BABAM2: variants seen among roughly 807,000 people sequenced by gnomAD.
The protein encoded by BABAM2 is BRISC and BRCA1-A complex member 2.
Under a neutral mutation model 54.7 loss-of-function variants are expected in BABAM2, and 31 were observed. The observed-to-expected ratio is 0.57, with a 90% confidence interval of 0.43 to 0.77. The LOEUF (loss-of-function observed/expected upper bound fraction) is 0.77. BABAM2 is among the 30% of genes least tolerant of loss of function. The pLI, the probability that BABAM2 is intolerant of heterozygous loss-of-function variation, is 0.00. For synonymous variants in BABAM2, 167 were observed against 162.9 expected, an observed-to-expected ratio of 1.03 and a Z score of -0.19; for missense variants, 364 against 455.8, an observed-to-expected ratio of 0.80 and a Z score of 1.83.
intron 10 of BABAM2, among the ~76,000 whole-genome samples, chr2:28,256,639 C>T (rs1027348740): frequency 6.0e-5 from 9 of 150,930 alleles, no homozygotes; most frequent in African/African-American, 1.5e-4. Context: ...GGACTAGAAA[C>T]GAAATTCCTT....
rs1673112548 is a variant in BABAM2, at chr2:27,995,925, A to G, written c.300+7838A>G. 6.6e-6 allele frequency among the ~76,000 whole-genome samples: 1 copy of G among 152,130 alleles called. No individual in the cohort carries two copies. The highest frequency in any genetic ancestry group is 1.5e-5 in the Non-Finnish European group (1 of 68,012). On this transcript the variant is annotated intron_variant, in intron 4 of 11. Transcript: ENST00000379624. The surrounding 1 kb of genome is among the most constrained non-coding windows in gnomAD (Gnocchi z 4.1). Reference sequence around the variant, plus strand: ...AGAGAATATGTTCTTCAGTTTTACAATTCTATTTGATTATTTTCTGTAAAT... The same window carrying G: ...AGAGAATATGTTCTTCAGTTTTACAGTTCTATTTGATTATTTTCTGTAAAT...
chr2:27,955,251 G>T (rs1670002148), intron 3 of BABAM2, among the ~76,000 whole-genome samples: 1 of 152,128 alleles, frequency 6.6e-6, no homozygotes, highest in Non-Finnish European at 1.5e-5. Context: ...CAGTATTTTA[G>T]GTCATCCATC....
chr2:28,083,419 T>C lies in BABAM2; in HGVS notation c.570+37620T>C, dbSNP rs149114606. Among the ~76,000 whole-genome samples, 388 of 152,358 alleles carry C rather than the reference T, an allele frequency of 2.5e-3. 4 individuals carry two copies. Among genetic ancestry groups the C allele is most frequent in the African/African-American group, 9.0e-3 (376 of 41,590 alleles). The stretch of plus-strand genomic sequence containing the variant: ...CTGTTGGAACATTTTAGAAGCAATC[T>C]GAGAACCGTACTGATTTGGCCCACT... On this transcript the variant is annotated intron_variant, in intron 6 of 11. Coordinates refer to ENST00000379624, the MANE Select transcript of BABAM2 (RefSeq NM_199191.3).
At chr2:28,231,546 G>A (rs922899234) in intron 7 of BABAM2, among the ~76,000 whole-genome samples, 69 of 151,998 alleles carry the variant, frequency 4.5e-4, no homozygotes, top group African/African-American at 1.6e-3. Flanking sequence ...AACTTCCAAC[G>A]GCTCCTGAAT....
At chr2:28,210,881 A>T (rs1573851406) in intron 7 of BABAM2, among the ~76,000 whole-genome samples, 1 of 152,210 alleles carries the variant, frequency 6.6e-6, no homozygotes, top group East Asian at 1.9e-4. Flanking sequence ...AAACATTTTA[A>T]ACATTTGAGG....
intron 6 of BABAM2, among the ~76,000 whole-genome samples, chr2:28,115,420 A>C (rs1190152055): frequency 6.6e-6 from 1 of 151,926 alleles, no homozygotes; most frequent in African/African-American, 2.4e-5. Flanking sequence ...AGGTCAGGAG[A>C]TCGAGACCAT....
At chr2:28,186,185 T>C (rs1057023777) in intron 7 of BABAM2, among the ~76,000 whole-genome samples, 4 of 152,240 alleles carry the variant, frequency 2.6e-5, no homozygotes, top group Admixed American at 1.3e-4. Context: ...GTTGATGTGG[T>C]AAATTTTTTT....
At chr2:28,280,945 T>C (rs1331337957) in intron 10 of BABAM2, among the ~76,000 whole-genome samples, 1 of 152,176 alleles carries the variant, frequency 6.6e-6, no homozygotes, top group Non-Finnish European at 1.5e-5. Context: ...AGGGGTTAGC[T>C]GTTGAGTCCA....
intron 11 of BABAM2, among the ~76,000 whole-genome samples, chr2:28,323,666 G>C (rs180672702): frequency 2.6e-5 from 4 of 152,192 alleles, no homozygotes; most frequent in African/African-American, 9.6e-5. Context: ...TTGACTATGC[G>C]GGATGATGTT....
chr2:27,923,102 CCCAAAGAAACT>C, intron 2 of BABAM2, among the ~76,000 whole-genome samples: 1 of 152,254 alleles, frequency 6.6e-6, no homozygotes, highest in African/African-American at 2.4e-5. Context: ...CAAATTCCGA[CCCAAAGAAACT>C]GTGAAAGATA....
At chr2:28,181,204 A>G (rs549528870) in intron 7 of BABAM2, among the ~76,000 whole-genome samples, 10 of 152,214 alleles carry the variant, frequency 6.6e-5, no homozygotes, top group Non-Finnish European at 8.8e-5. Context: ...TACTATTTAC[A>G]GTAACAAAGA....
intron 2 of BABAM2, among the ~76,000 whole-genome samples, chr2:27,908,689 A>C (rs2148297770): frequency 6.6e-6 from 1 of 152,272 alleles, no homozygotes; most frequent in Middle Eastern, 3.4e-3. Flanking sequence ...TTCCACTTAT[A>C]AGTGAGAACA....
Position 27,967,393 on chromosome 2 carries a change from C to T in BABAM2, c.206-20600C>T, listed in dbSNP as rs144636334. 1.4e-4 allele frequency among the ~76,000 whole-genome samples: 22 copies of T among 152,266 alleles called. No homozygotes were observed. In the East Asian group the frequency reaches 3.7e-3, roughly 25 times the overall value. On this transcript the variant is annotated intron_variant, in intron 3 of 11. Coordinates refer to ENST00000379624, the MANE Select transcript of BABAM2 (RefSeq NM_199191.3). ...ATCCATTGTAAGATGTGACTTGCTC[C>T]GCCTTGCCTTCTGCCACGATTGTGT... is the stretch of plus-strand genomic sequence containing the variant.
rs751782457 is a variant in BABAM2, at chr2:28,315,421, T to TTTTCTTTTCTTTTC, written c.1088+16933_1088+16934insCTTTTCTTTTCTTT. 8.9e-4 allele frequency among the ~76,000 whole-genome samples: 98 copies of TTTTCTTTTCTTTTC among 110,192 alleles called. 1 individual carries two copies. The highest frequency in any genetic ancestry group is 2.7e-3 in the South Asian group (8 of 3,012). The allele number at this position is 110,192 out of a possible 152,430, so 72.3% of individuals were successfully genotyped here. On this transcript the variant is annotated intron_variant, in intron 11 of 11. Coordinates refer to ENST00000379624, the MANE Select transcript of BABAM2 (RefSeq NM_199191.3). ...GGTATTTCTTTGTGTGTGTGGTTCTTTTTTCTTTTCTTTTCTTTTCTTTTC... is the reference window on the plus strand; with the variant it reads ...GGTATTTCTTTGTGTGTGTGGTTCTTTTTCTTTTCTTTTCTTTTCTTTTCTTTTCTTTTCTTTTC...
intron 11 of BABAM2, among the ~76,000 whole-genome samples, chr2:28,317,290 G>A (rs1689639168): frequency 6.6e-6 from 1 of 152,138 alleles, no homozygotes; most frequent in Non-Finnish European, 1.5e-5. Flanking sequence ...GGTTTCAGGG[G>A]AATAATTCAT....
Position 28,026,887 on chromosome 2 carries a change from G to GATATATATTAATATATATAAAT in BABAM2, c.495+1475_495+1476insTAATATATATAAATATATATAT, listed in dbSNP as rs1675813893. ...AGATATATATATTTATATATATATA[G>GATATATATTAATATATATAAAT]ATATATATAAATATATATAAATATA... On this transcript the variant is annotated intron_variant, in intron 5 of 11. Coordinates refer to ENST00000379624, the MANE Select transcript of BABAM2 (RefSeq NM_199191.3). 1.8e-3 allele frequency among the ~76,000 whole-genome samples: 112 copies of GATATATATTAATATATATAAAT among 60,904 alleles called. 5 individuals are homozygous for GATATATATTAATATATATAAAT. Among genetic ancestry groups the GATATATATTAATATATATAAAT allele is most frequent in the Non-Finnish European group, 2.2e-3 (80 of 36,062 alleles). 40.0% of individuals were successfully genotyped at this position (60,904 alleles called of 152,430 possible).
intron 3 of BABAM2, among the ~76,000 whole-genome samples, chr2:27,952,760 C>T (rs1038960448): frequency 2.6e-5 from 4 of 152,002 alleles, no homozygotes; most frequent in African/African-American, 7.3e-5. Flanking sequence ...CACTGATCTC[C>T]GTTGATTTTC....
At chr2:28,309,782 C>A (rs144408110) in intron 11 of BABAM2, among the ~76,000 whole-genome samples, 2 of 152,290 alleles carry the variant, frequency 1.3e-5, no homozygotes, top group Non-Finnish European at 2.9e-5. Flanking sequence ...CAGCTGAACT[C>A]CCCACAAGAG....
At chr2:27,959,811 T>C (rs1038915667) in intron 3 of BABAM2, among the ~76,000 whole-genome samples, 12 of 152,228 alleles carry the variant, frequency 7.9e-5, no homozygotes, top group African/African-American at 2.9e-4. Flanking sequence ...TTTGAAAAAC[T>C]GCTCATTTTC....
Sources: allele counts gnomAD v4.1 joint callset (sites outside exome capture counted in the v4.1 genomes callset), GRCh38; gene constraint gnomAD v4.1.1; non-coding constraint Gnocchi (gnomAD v3.1); transcripts MANE v1.5; gene names NCBI Gene and HGNC (gene_info 2026-07-23, HGNC 2026-07-21).